PGAP1: variants seen among roughly 807,000 people sequenced by gnomAD.
The protein encoded by PGAP1 is post-GPI attachment to proteins inositol deacylase 1.
In PGAP1, 76 loss-of-function variants were observed where a neutral mutation model predicts 127.0. The observed-to-expected ratio is 0.60, with a 90% CI of 0.50 to 0.72. The LOEUF (loss-of-function observed/expected upper bound fraction) is 0.72, where lower values mean the gene tolerates loss of function less well. Among genes scored for constraint, PGAP1 ranks in the 30% least tolerant of loss-of-function variants. The pLI, the probability that PGAP1 is intolerant of heterozygous loss-of-function variation, is 0.00. For missense variants in PGAP1, 982 were observed against 1,071.3 expected (o/e 0.92, Z 1.16); for synonymous variants, 362 against 366.5 (o/e 0.99, Z 0.14).
intron 5 of PGAP1, 144 bp downstream of exon 5, chr2:196,902,441 T>C: frequency 3.6e-6 from 2 of 554,284 alleles, no homozygotes; most frequent in Non-Finnish European, 6.1e-6. Context: ...TTTCCCTCTC[T>C]CTCTTACACA....
chr2:196,878,591 A>C (rs1701634827), intron 13 of PGAP1, among the ~76,000 whole-genome samples: 1 of 152,182 alleles, frequency 6.6e-6, no homozygotes, highest in African/African-American at 2.4e-5. Context: ...ATTCTACAGC[A>C]TAAGGAGATT....
chr2:196,856,681 G>C (rs912468073), intron 20 of PGAP1, among the ~76,000 whole-genome samples: 1 of 152,176 alleles, frequency 6.6e-6, no homozygotes, highest in African/African-American at 2.4e-5. Flanking sequence ...ACCAGGATGA[G>C]AAGTTGACAC....
intron 8 of PGAP1, among the ~76,000 whole-genome samples, 173 bp from the exon 9 acceptor site, chr2:196,892,574 C>A (rs1271880859): frequency 1.3e-5 from 2 of 152,038 alleles, no homozygotes; most frequent in African/African-American, 4.8e-5. Flanking sequence ...ACACTCATCA[C>A]CAACTAGCAT....
chr2:196,864,162 C>T (rs540305341), intron 20 of PGAP1, among the ~76,000 whole-genome samples: 205 of 151,716 alleles, frequency 1.4e-3, no homozygotes, highest in Non-Finnish European at 2.0e-3. Context: ...GAGGCTGAGG[C>T]GGGCAGATCA....
At chr2:196,880,362 T>C (rs1364059112) in intron 12 of PGAP1, among the ~76,000 whole-genome samples, 1 of 152,008 alleles carries the variant, frequency 6.6e-6, no homozygotes, top group Non-Finnish European at 1.5e-5. Flanking sequence ...TTATGTTAAA[T>C]AGGAACTGCC....
intron 26 of PGAP1, 149 bp downstream of exon 26, chr2:196,842,572 C>A: frequency 2.7e-6 from 1 of 364,154 alleles, no homozygotes; most frequent in Non-Finnish European, 5.0e-6. Context: ...ATTAAGAAAA[C>A]AAGTATACTT....
intron 19 of PGAP1, among the ~76,000 whole-genome samples, chr2:196,869,149 C>T (rs1701333662): frequency 6.6e-6 from 1 of 152,108 alleles, no homozygotes; most frequent in Non-Finnish European, 1.5e-5. Context: ...TTTTGGTTTA[C>T]AATTATGCTT....
chr2:196,914,559 T>C (rs1702937559), intron 3 of PGAP1, among the ~76,000 whole-genome samples: 1 of 152,104 alleles, frequency 6.6e-6, no homozygotes, highest in Admixed American at 6.5e-5. Flanking sequence ...AGGAGGAGGT[T>C]GCAGTGAGCT....
intron 2 of PGAP1, 82 bp downstream of exon 2, chr2:196,919,915 T>C (rs750263022): frequency 4.9e-5 from 68 of 1,398,774 alleles, no homozygotes; most frequent in Non-Finnish European, 6.6e-5. Context: ...ATTTACTTTA[T>C]TTGATTCACC....
intron 5 of PGAP1, among the ~76,000 whole-genome samples, chr2:196,901,396 A>T (rs377297194): frequency 2.6e-5 from 4 of 152,344 alleles, no homozygotes; most frequent in African/African-American, 9.6e-5. Flanking sequence ...AATGAACAGT[A>T]ATCTAAAGTA....
chr2:196,921,308 G>A (rs929274218), intron 1 of PGAP1, among the ~76,000 whole-genome samples: 2 of 151,934 alleles, frequency 1.3e-5, no homozygotes, highest in Non-Finnish European at 2.9e-5. Flanking sequence ...TGCAGAGACT[G>A]TAAGCTTATT....
chr2:196,919,137 TC>T, intron 2 of PGAP1, among the ~76,000 whole-genome samples: 1 of 152,296 alleles, frequency 6.6e-6, no homozygotes, highest in East Asian at 1.9e-4. Context: ...ACTAGCCACT[TC>T]CTGACCCTTT....
chr2:196,885,948 C>A, intron 10 of PGAP1, 68 bp from the exon 11 acceptor site: 1 of 1,058,540 alleles, frequency 9.4e-7, no homozygotes, highest in South Asian at 3.9e-5. Flanking sequence ...AAACAAACAC[C>A]CATTTTCAAC....
At position 196,864,038 on chromosome 2, in the gene PGAP1, C is replaced by G. The variant is rs150169495; in HGVS notation, c.1861+949G>C. 4.1e-3 allele frequency among the ~76,000 whole-genome samples: 618 copies of G among 152,110 alleles called. 4 individuals are homozygous for G. Among genetic ancestry groups the G allele is most frequent in the African/African-American group, 0.014 (575 of 41,492 alleles). ...TGAATGTGTCAAAATATCACATGTA[C>G]CCCATAAATAGGTACAATTATGTAT... is the stretch of plus-strand genomic sequence containing the variant. On this transcript the variant is annotated intron_variant, in intron 20 of 26. Transcript: ENST00000354764.
intron 13 of PGAP1, among the ~76,000 whole-genome samples, chr2:196,876,191 T>C (rs540551525): frequency 3.2e-4 from 48 of 152,258 alleles, no homozygotes; most frequent in African/African-American, 1.1e-3. Context: ...TTAGATACTA[T>C]GTCTCTTAAT....
At chr2:196,853,764 T>C (rs1412410396) in intron 20 of PGAP1, among the ~76,000 whole-genome samples, 2 of 152,150 alleles carry the variant, frequency 1.3e-5, no homozygotes, top group African/African-American at 2.4e-5. Flanking sequence ...AAGATTAAGA[T>C]TTTTACATCC....
Position 196,837,706 on chromosome 2 carries a change from GAGTAGT to G in PGAP1, c.*3522_*3527del, listed in dbSNP as rs1700275509. 1 of 152,166 alleles carries G rather than the reference GAGTAGT, an allele frequency of 6.6e-6. No individual in the cohort carries two copies. The highest frequency in any genetic ancestry group is 6.5e-5 in the Admixed American group (1 of 15,274). 9.4% of individuals were successfully genotyped at this position (152,166 alleles called of 1,614,324 possible). On this transcript the variant is annotated 3_prime_UTR_variant, in exon 27 of 27. Coordinates refer to ENST00000354764, the MANE Select transcript of PGAP1 (RefSeq NM_024989.4). ...GTAAGTTTGTGTGAATTTTGGAAAT[GAGTAGT>G]ATCACATGAATGACAAGACAACCAA... is the stretch of plus-strand genomic sequence containing the variant.
intron 10 of PGAP1, among the ~76,000 whole-genome samples, chr2:196,886,408 G>A (rs981657948): frequency 7.8e-4 from 118 of 151,962 alleles, no homozygotes; most frequent in African/African-American, 2.6e-3. Flanking sequence ...TGATCTGCCC[G>A]CCTCGGCCTT....
intron 1 of PGAP1, among the ~76,000 whole-genome samples, chr2:196,925,919 A>T (rs1470576711): frequency 6.6e-6 from 1 of 152,150 alleles, no homozygotes; most frequent in Admixed American, 6.5e-5. Context: ...TGGAGTCTCT[A>T]AAAACAGCCT....
Sources: allele counts gnomAD v4.1 joint callset (sites outside exome capture counted in the v4.1 genomes callset), GRCh38; gene constraint gnomAD v4.1.1; transcripts MANE v1.5; gene names NCBI Gene and HGNC (gene_info 2026-07-23, HGNC 2026-07-21).